Variants in AMPD1 observed in about 807,000 individuals in gnomAD.
AMPD1 encodes the protein AMP deaminase 1.
A neutral mutation model predicts 82.9 loss-of-function variants in AMPD1; 74 were observed. The ratio of observed to expected loss-of-function variants is 0.89; its 90% CI spans 0.74 to 1.08. The LOEUF is 1.08. Ranked by LOEUF, AMPD1 falls within the 50% of genes least tolerant of loss-of-function variation. AMPD1 has a pLI of 0.00. For missense variants in AMPD1, 881 were observed against 924.5 expected, an observed-to-expected ratio of 0.95 and a Z score of 0.61; for synonymous variants, 333 against 320.5, an observed-to-expected ratio of 1.04 and a Z score of -0.42.
intron 2 of AMPD1, 66 bp downstream of exon 2, chr1:114,693,370 A>G (rs1658577687): frequency 6.8e-7 from 1 of 1,480,078 alleles, no homozygotes. Context: ...TTCTGAATTA[A>G]GGAATAGTAT....
intron 2 of AMPD1, among the ~76,000 whole-genome samples, chr1:114,691,120 A>G (rs1332923062): frequency 2.0e-5 from 3 of 152,182 alleles, no homozygotes; most frequent in East Asian, 3.9e-4. Flanking sequence ...TAGAAACTCT[A>G]CTCTTAAGAA....
At chr1:114,692,184 A>G (rs575249558) in intron 2 of AMPD1, among the ~76,000 whole-genome samples, 1 of 152,326 alleles carries the variant, frequency 6.6e-6, no homozygotes, top group South Asian at 2.1e-4. Flanking sequence ...GATGAATATC[A>G]TGCTTTCTTC....
At chr1:114,685,422 CCT>C (rs1557972723) in intron 4 of AMPD1, among the ~76,000 whole-genome samples, 1 of 152,118 alleles carries the variant, frequency 6.6e-6, no homozygotes, top group African/African-American at 2.4e-5. Context: ...AGAACTGAGC[CCT>C]GATTTCCTCT....
rs577532724 is a variant in AMPD1, at chr1:114,692,078, A to G, written c.34+1358T>C. Among the ~76,000 whole-genome samples, 9 of 152,368 alleles carry G rather than the reference A, an allele frequency of 5.9e-5. No homozygotes were observed. The East Asian group carries it at 1.7e-3, about 29-fold the overall frequency. The stretch of plus-strand genomic sequence containing the variant: ...ATAACGTCAACTTCAGAGAATTGTT[A>G]TGAAGATTTAACAAAAAATACTTTA... On this transcript the variant is annotated intron_variant, in intron 2 of 15. Transcript: ENST00000520113.
chr1:114,678,884 G>A (rs1364886401), intron 7 of AMPD1, among the ~76,000 whole-genome samples: 1 of 152,190 alleles, frequency 6.6e-6, no homozygotes, highest in East Asian at 1.9e-4. Context: ...AAGGAGAAAG[G>A]ATTGAAATTA....
chr1:114,674,159 C>T, intron 13 of AMPD1, 77 bp from the exon 14 acceptor site: 2 of 1,340,532 alleles, frequency 1.5e-6, no homozygotes, highest in Admixed American at 2.0e-5. Context: ...ATCTCATGGT[C>T]TGCCTTAAGC....
chr1:114,678,576 T>G (rs769108366), intron 7 of AMPD1, 49 bp from the exon 8 acceptor site: 7 of 1,527,096 alleles, frequency 4.6e-6, no homozygotes, highest in Non-Finnish European at 6.3e-6. Flanking sequence ...GCCTTAGTTA[T>G]GCTACTCTGT....
At position 114,678,341 on chromosome 1, in the gene AMPD1, C is replaced by T. The variant is rs771867356; in HGVS notation, c.1084G>A (p.Val362Ile). Residue 362 changes from valine (V) to isoleucine (I), a missense_variant, in exon 8 of 16, where the codon GTT becomes ATT. Around this residue, in one of 2 missense-constraint regions of AMPD1, gnomAD observed 783 missense variants for 786.4 expected, o/e 1.00. Transcript: ENST00000520113. ...TTGCCGTTTCAACCTACAGCATGAA[C>T]ATCCAGAGAATCAACAGTCAGGTCA... ...PYDLTVDSLDVHAGRQTFQRF... is the reference protein window; with the variant it reads ...PYDLTVDSLDIHAGRQTFQRF... 2.5e-5 allele frequency: 40 copies of T among 1,614,114 alleles called. No homozygotes were observed. Among genetic ancestry groups the T allele is most frequent in the Non-Finnish European group, 3.0e-5 (35 of 1,180,004 alleles).
chr1:114,675,604 C>T lies in AMPD1; in HGVS notation c.1605G>A (p.Leu535=). 1 of 1,614,160 alleles carries T rather than the reference C, an allele frequency of 6.2e-7. No individual in the cohort carries two copies. Among genetic ancestry groups the T allele is most frequent in the Non-Finnish European group, 8.5e-7 (1 of 1,180,008 alleles). The part of the protein sequence containing the change: ...SKSPKPQEWT[L]EKNPSYTYYA... ...AGTAAGTGTAAGATGGATTCTTTTC[C>T]AATGTCCACTCCTGGGGCTTGGGAC... Residue 535 remains leucine (L), a synonymous_variant, in exon 12 of 16, where the codon TTG becomes TTA. Transcript: ENST00000520113.
chr1:114,677,795 C>A, intron 9 of AMPD1, 115 bp downstream of exon 9: 1 of 431,440 alleles, frequency 2.3e-6, no homozygotes. Flanking sequence ...CTTTCCCTCT[C>A]TCCCTCCTTC....
intron 9 of AMPD1, 88 bp downstream of exon 9, chr1:114,677,822 C>CTTCCTTCCTTCA (rs1658042600): frequency 2.5e-6 from 3 of 1,180,358 alleles, no homozygotes; most frequent in Non-Finnish European, 3.5e-6. Context: ...TCCTTCCTTC[C>CTTCCTTCCTTCA]TTCCTTCCTT....
rs1335549179 is a variant in AMPD1 at position 114,673,690 on chromosome 1, A to G, written c.2034T>C (p.Asp678=). The change falls in exon 15 of 16, where the codon GAT becomes GAC. Residue 678 remains aspartate, a synonymous_variant. Coordinates refer to ENST00000520113, the MANE Select transcript of AMPD1 (RefSeq NM_000036.3). ...CACTGTTCCTTGCCACTTCGCACATATCACAGGTGCTCAGCTTGAAGACTT... is the reference window on the plus strand; with the variant it reads ...CACTGTTCCTTGCCACTTCGCACATGTCACAGGTGCTCAGCTTGAAGACTT... ...AAQVFKLSTC[D]MCEVARNSVL... 1 of 1,614,170 alleles carries G rather than the reference A, an allele frequency of 6.2e-7. No individual in the cohort carries two copies. The highest frequency in any genetic ancestry group is 2.2e-5 in the East Asian group (1 of 44,888).
At chr1:114,694,225 A>G (rs1403245786) in intron 1 of AMPD1, among the ~76,000 whole-genome samples, 1 of 150,238 alleles carries the variant, frequency 6.7e-6, no homozygotes, top group Non-Finnish European at 1.5e-5. Context: ...CTAAAAAAAC[A>G]AAAACAAAAA....
rs1445063575 is a variant in AMPD1 at position 114,679,582 on chromosome 1, C to T, written c.894G>A (p.Arg298=). ...NNPHRDFYNC[R]KVDTHIHAAA... is the part of the protein sequence containing the mutation. ...CCTGAGCAACTAAAATGTTTACCTT[C>T]CTGCAGTTATAAAAATCTCGGTGGG... The change falls in exon 7 of 16, where the codon AGG becomes AGA. Residue 298 remains arginine, a synonymous_variant. Coordinates refer to ENST00000520113, the MANE Select transcript of AMPD1 (RefSeq NM_000036.3). The T allele has an allele frequency of 3.1e-6, 5 of 1,613,818 alleles. No individual in the cohort carries two copies. Among genetic ancestry groups the T allele is most frequent in the Middle Eastern group, 1.6e-4 (1 of 6,084 alleles).
chr1:114,673,423 C>T (rs1570835223), intron 15 of AMPD1, 151 bp from the exon 16 acceptor site: 2 of 1,001,520 alleles, frequency 2.0e-6, no homozygotes, highest in East Asian at 5.2e-5. Context: ...TCTAGTGCCT[C>T]AGTGTTCACA....
At chr1:114,677,706 T>A (rs1000838352) in intron 9 of AMPD1, among the ~76,000 whole-genome samples, 192 bp from the exon 10 acceptor site, 1 of 152,032 alleles carries the variant, frequency 6.6e-6, no homozygotes, top group Non-Finnish European at 1.5e-5. Context: ...AGAGTGGATG[T>A]GTCAGAGGAA....
chr1:114,674,025 G>A lies in AMPD1; in HGVS notation c.1858C>T (p.Leu620=). The change falls in exon 14 of 16, where the codon CTA becomes TTA. Residue 620 remains leucine, a synonymous_variant. Transcript: ENST00000520113. ...LAQIPIAMSP[L]SNNSLFLEYA... ...TCTAGAAATAGGCTATTGTTACTTA[G>A]TGGTGACATGGCGATGGGAATTTGG... is the stretch of plus-strand genomic sequence containing the variant. 1 of 1,613,986 alleles carries A rather than the reference G, an allele frequency of 6.2e-7. No individual in the cohort carries two copies. The highest frequency in any genetic ancestry group is 8.5e-7 in the Non-Finnish European group (1 of 1,179,884).
chr1:114,683,286 G>C (rs1265336625), intron 5 of AMPD1: 4 of 296,684 alleles, frequency 1.3e-5, no homozygotes, highest in South Asian at 9.2e-5. Context: ...GAATAAGTGA[G>C]GGGAAGGACA....
intron 5 of AMPD1, chr1:114,683,248 G>T (rs896709083): frequency 2.7e-6 from 1 of 365,812 alleles, no homozygotes; most frequent in Non-Finnish European, 5.3e-6. Flanking sequence ...GAAAGATTGG[G>T]TTGGCTCTGG....
Sources: gnomAD v4.1 joint callset for allele counts (sites outside exome capture counted in the v4.1 genomes callset) on GRCh38, gnomAD v4.1.1 for gene constraint, gnomAD v4.1.1 regional missense constraint, MANE v1.5 for transcripts, NCBI Gene and HGNC (gene_info 2026-07-23, HGNC 2026-07-21) for gene names.